HDAC1: variants seen among roughly 807,000 people sequenced by gnomAD.
HDAC1 encodes protein deacetylase HDAC1.
Under a neutral mutation model 65.5 loss-of-function variants are expected in HDAC1, and 18 were observed. The observed-to-expected ratio is 0.27, with a 90% CI of 0.19 to 0.41. HDAC1 has a LOEUF of 0.41. Among genes scored for constraint, HDAC1 ranks in the 10% least tolerant of loss-of-function variants. HDAC1 has a pLI of 1.00. For synonymous variants in HDAC1, 211 were observed against 227.9 expected, an observed-to-expected ratio of 0.93 and a Z score of 0.67; for missense variants, 373 against 625.2, an observed-to-expected ratio of 0.60 and a Z score of 4.30.
Position 32,329,962 on chromosome 1 carries a change from G to GTTACACCATTCGTAAC in HDAC1, c.730-616_730-615insTTACACCATTCGTAAC. 1 of 158,476 alleles carries GTTACACCATTCGTAAC rather than the reference G, an allele frequency of 6.3e-6. No individual in the cohort carries two copies. Among genetic ancestry groups the GTTACACCATTCGTAAC allele is most frequent in the Admixed American group, 5.9e-5 (1 of 16,874 alleles). The allele number at this position is 158,476 out of a possible 1,614,324, so 9.8% of individuals were successfully genotyped here. A position where few individuals can be genotyped will look rare whatever the true frequency, so the allele number is the denominator to read the frequency against. On this transcript the variant is annotated intron_variant, in intron 7 of 13. Transcript: ENST00000373548. This position sits in a 1 kb window ranked among gnomAD's most constrained non-coding sequence, Gnocchi z 4.1. ...GGGAGGAGTGCTGAAGGAGGCGGTGGGAAGTGTATGCTGGGCTCAGTATTT... is the reference window on the plus strand; with the variant it reads ...GGGAGGAGTGCTGAAGGAGGCGGTGGTTACACCATTCGTAACGAAGTGTATGCTGGGCTCAGTATTT...
At position 32,326,985 on chromosome 1, in the gene HDAC1, T is replaced by C. The variant is rs144007696; in HGVS notation, c.402T>C (p.Asn134=). Residue 134 remains asparagine, a synonymous_variant, in exon 5 of 14, where the codon AAT becomes AAC. Transcript: ENST00000373548. ...AGCAGCAGACGGACATCGCTGTGAA[T>C]TGGGCTGGGGGCCTGCACCATGCAA... ...LNKQQTDIAV[N]WAGGLHHAKK... is the part of the protein sequence containing the mutation. 19 of 1,614,020 alleles carry C rather than the reference T, an allele frequency of 1.2e-5. No homozygotes were observed. In the African/African-American group the frequency reaches 1.3e-4, roughly 11 times the overall value.
chr1:32,299,560 T>C (rs1640817029), intron 1 of HDAC1, among the ~76,000 whole-genome samples: 1 of 152,234 alleles, frequency 6.6e-6, no homozygotes, highest in South Asian at 2.1e-4. Context: ...CTAGGCTTGA[T>C]AGGCAAGGGA....
chr1:32,331,785 G>C lies in HDAC1; in HGVS notation c.1198G>C (p.Asp400His). 6.2e-7 allele frequency: 1 copy of C among 1,612,778 alleles called. No homozygotes were observed. Residue 400 changes from aspartate to histidine, a missense_variant, in exon 11 of 14, where the codon GAC becomes CAC. This residue lies in a region of HDAC1 where 126 missense variants were observed against 126.2 expected (regional missense o/e 1.00). Transcript: ENST00000373548. This position sits in a 1 kb window ranked among gnomAD's most constrained non-coding sequence, Gnocchi z 4.2. ...PEESGDEDED[D>H]PDKRISICSS... ...GGAGAGTGGCGATGAGGACGAAGAC[G>C]ACCCTGACAAGCGCATCTCGAGTGA...
At chr1:32,292,307 C>T in intron 1 of HDAC1, 89 bp downstream of exon 1, 1 of 1,534,744 alleles carries the variant, frequency 6.5e-7, no homozygotes, top group African/African-American at 1.4e-5. Context: ...TGGGAGGCTG[C>T]GGGAGGCTGA....
intron 1 of HDAC1, among the ~76,000 whole-genome samples, chr1:32,298,411 G>A (rs954106300): frequency 6.6e-6 from 1 of 151,142 alleles, no homozygotes; most frequent in Admixed American, 6.6e-5. Context: ...TAGTAGAGAC[G>A]GGTTTCACCG....
At chr1:32,299,370 C>T (rs1465887261) in intron 1 of HDAC1, among the ~76,000 whole-genome samples, 1 of 152,058 alleles carries the variant, frequency 6.6e-6, no homozygotes. Flanking sequence ...TGAAACCAGC[C>T]TGGGCAACAA....
At position 32,292,321 on chromosome 1, in the gene HDAC1, G is replaced by T. The variant is rs994723955; in HGVS notation, c.49+103G>T. The T allele has an allele frequency of 1.9e-4, 298 of 1,529,816 alleles. No homozygotes were observed. In the Admixed American group the frequency reaches 2.9e-3, roughly 15 times the overall value. 94.8% of individuals were successfully genotyped at this position (1,529,816 alleles called of 1,614,324 possible). A position where few individuals can be genotyped will look rare whatever the true frequency, so the allele number is the denominator to read the frequency against. On this transcript the variant is annotated intron_variant, in intron 1 of 13. Transcript: ENST00000373548. ...ATGGGAGGCTGCGGGAGGCTGAGGC[G>T]CTGGGGAGAGGCTCGGAGAGGAGGC...
chr1:32,306,192 C>CTTTTTT (rs59708330), intron 2 of HDAC1, among the ~76,000 whole-genome samples: 15 of 137,462 alleles, frequency 1.1e-4, no homozygotes, highest in Non-Finnish European at 1.6e-4. Flanking sequence ...TTTTCTTTTT[C>CTTTTTT]TTTTTTTTTT....
At chr1:32,300,439 C>T (rs1375619832) in intron 1 of HDAC1, among the ~76,000 whole-genome samples, 2 of 151,784 alleles carry the variant, frequency 1.3e-5, no homozygotes, top group African/African-American at 2.4e-5. Context: ...CCTGTAATCC[C>T]AGCAATTTAG....
At position 32,298,377 on chromosome 1, in the gene HDAC1, G is replaced by A. The variant is rs1326976305; in HGVS notation, c.50-4244G>A. On this transcript the variant is annotated intron_variant, in intron 1 of 13. Transcript: ENST00000373548. ...GTTGGGATTACAGGCGTCAGGCACCGCGCCCGGCCATTTTTTGTATTTTTA... is the reference window on the plus strand; with the variant it reads ...GTTGGGATTACAGGCGTCAGGCACCACGCCCGGCCATTTTTTGTATTTTTA... 3.3e-5 allele frequency among the ~76,000 whole-genome samples: 5 copies of A among 151,574 alleles called. No homozygotes were observed. In the South Asian group the frequency reaches 1.0e-3, roughly 32 times the overall value.
Position 32,333,159 on chromosome 1 carries a change from A to G in HDAC1, c.*115A>G. 1.1e-6 allele frequency: 1 copy of G among 901,948 alleles called. No homozygotes were observed. Among genetic ancestry groups the G allele is most frequent in the Non-Finnish European group, 1.7e-6 (1 of 603,918 alleles). The allele number at this position is 901,948 out of a possible 1,614,324, so 55.9% of individuals were successfully genotyped here. The stretch of plus-strand genomic sequence containing the variant: ...TTATATAAAAATTTATTAAATATAA[A>G]TATCCCCAGGGACAGAAACCAAGGC... On this transcript the variant is annotated 3_prime_UTR_variant, in exon 14 of 14. Coordinates refer to ENST00000373548, the MANE Select transcript of HDAC1 (RefSeq NM_004964.3).
rs1198229177 is a variant in HDAC1, at chr1:32,333,148, A to G, written c.*104A>G. ...TCTCTGTGTATTTATATAAAAATTT[A>G]TTAAATATAAATATCCCCAGGGACA... On this transcript the variant is annotated 3_prime_UTR_variant, in exon 14 of 14. Coordinates refer to ENST00000373548, the MANE Select transcript of HDAC1 (RefSeq NM_004964.3). 2 of 969,098 alleles carry G rather than the reference A, an allele frequency of 2.1e-6. No individual in the cohort carries two copies. The highest frequency in any genetic ancestry group is 1.7e-5 in the South Asian group (1 of 57,632). 60.0% of individuals were successfully genotyped at this position (969,098 alleles called of 1,614,324 possible).
chr1:32,316,098 CG>C (rs1028821319), intron 2 of HDAC1, among the ~76,000 whole-genome samples: 1 of 151,738 alleles, frequency 6.6e-6, no homozygotes, highest in African/African-American at 2.4e-5. Flanking sequence ...CTAGCTAACA[CG>C]GTGAAACCCT....
At chr1:32,308,784 C>T (rs1257787017) in intron 2 of HDAC1, among the ~76,000 whole-genome samples, 1 of 151,992 alleles carries the variant, frequency 6.6e-6, no homozygotes, top group African/African-American at 2.4e-5. Flanking sequence ...TCCCAAAGTG[C>T]TGGGATTACA....
At position 32,292,166 on chromosome 1, in the gene HDAC1, C is replaced by G; in HGVS notation, c.-4C>G. ...ACTGACGGTAGGGACGGGAGGCGAG[C>G]AAGATGGCGCAGACGCAGGGCACCC... On this transcript the variant is annotated 5_prime_UTR_variant, in exon 1 of 14. Transcript: ENST00000373548. The G allele has an allele frequency of 6.5e-7, 1 of 1,548,222 alleles. No homozygotes were observed. Among genetic ancestry groups the G allele is most frequent in the East Asian group, 2.4e-5 (1 of 40,868 alleles).
At chr1:32,314,630 T>C (rs1641033989) in intron 2 of HDAC1, among the ~76,000 whole-genome samples, 1 of 151,874 alleles carries the variant, frequency 6.6e-6, no homozygotes, top group Non-Finnish European at 1.5e-5. Flanking sequence ...ATCGAGACCA[T>C]CCTGGCTAAC....
chr1:32,319,290 CAGAA>C (rs1641107808), intron 3 of HDAC1, among the ~76,000 whole-genome samples: 1 of 151,996 alleles, frequency 6.6e-6, no homozygotes, highest in South Asian at 2.1e-4. Flanking sequence ...TTTCTGTCAT[CAGAA>C]ATGGGGGCAG....
chr1:32,308,010 T>A (rs1557602893), intron 2 of HDAC1, among the ~76,000 whole-genome samples: 1 of 152,002 alleles, frequency 6.6e-6, no homozygotes, highest in Admixed American at 6.6e-5. Flanking sequence ...TTGATTGCTA[T>A]ATCAAAGAGC....
At chr1:32,312,915 A>G (rs1446960897) in intron 2 of HDAC1, among the ~76,000 whole-genome samples, 2 of 151,290 alleles carry the variant, frequency 1.3e-5, no homozygotes, top group Admixed American at 6.6e-5. Context: ...GCCTCAAGCA[A>G]TCCTCCCACC....
Sources: gnomAD v4.1 joint callset for allele counts (sites outside exome capture counted in the v4.1 genomes callset) on GRCh38, gnomAD v4.1.1 for gene constraint, gnomAD v4.1.1 regional missense constraint, Gnocchi (gnomAD v3.1) non-coding constraint, MANE v1.5 for transcripts, NCBI Gene and HGNC (gene_info 2026-07-23, HGNC 2026-07-21) for gene names.